ZFPM1: variants seen among roughly 807,000 people sequenced by gnomAD.
The protein encoded by ZFPM1 is zinc finger protein, FOG family member 1.
Under a neutral mutation model 46.3 loss-of-function variants are expected in ZFPM1, and 28 were observed. That is an observed-to-expected ratio of 0.60 (90% CI 0.45 to 0.83). The LOEUF (loss-of-function observed/expected upper bound fraction) is 0.83. Ranked by LOEUF, ZFPM1 falls within the 40% of genes least tolerant of loss-of-function variation. The probability of loss-of-function intolerance (pLI) is 0.00; values close to 1 mark genes in which losing one functional copy is unlikely to be tolerated. For missense variants in ZFPM1, 1,878 were observed against 1,432.4 expected (o/e 1.31, Z -5.02); for synonymous variants, 957 against 675.9 (o/e 1.42, Z -6.45).
chr16:88,483,785 G>C (rs1909071058), intron 1 of ZFPM1, among the ~76,000 whole-genome samples: 1 of 152,230 alleles, frequency 6.6e-6, no homozygotes, highest in Non-Finnish European at 1.5e-5. Context: ...TCCAGGAGCA[G>C]TTTGGTTTGA....
intron 1 of ZFPM1, among the ~76,000 whole-genome samples, chr16:88,476,604 C>T (rs909638564): frequency 1.3e-5 from 2 of 151,908 alleles, no homozygotes; most frequent in South Asian, 2.1e-4. Flanking sequence ...CCGAGATCCC[C>T]GGGGGCCCAT....
intron 1 of ZFPM1, among the ~76,000 whole-genome samples, chr16:88,482,987 C>T (rs913678322): frequency 1.3e-5 from 2 of 152,176 alleles, no homozygotes; most frequent in Non-Finnish European, 2.9e-5. Context: ...TGAGGGAGGG[C>T]ACTCGGGTTG....
chr16:88,468,852 A>G (rs1055320314), intron 1 of ZFPM1: 1 of 152,306 alleles, frequency 6.6e-6, no homozygotes, highest in Non-Finnish European at 1.5e-5. Context: ...CTGGGGGAGT[A>G]GTTCCCATCC....
chr16:88,478,514 C>T (rs543741757), intron 1 of ZFPM1, among the ~76,000 whole-genome samples: 2 of 152,394 alleles, frequency 1.3e-5, no homozygotes, highest in African/African-American at 2.4e-5. Flanking sequence ...TGTAAGGGGT[C>T]GCTGTCACGG....
chr16:88,478,894 T>TC (rs1567531723), intron 1 of ZFPM1, among the ~76,000 whole-genome samples: 1 of 152,028 alleles, frequency 6.6e-6, no homozygotes, highest in Non-Finnish European at 1.5e-5. Flanking sequence ...GGTGGAGACT[T>TC]CCCCGGGGGC....
At position 88,486,044 on chromosome 16, in the gene ZFPM1, G is replaced by T; in HGVS notation, c.145+1G>T. On this transcript the variant is annotated splice_donor_variant, in intron 2 of 9. Coordinates refer to ENST00000319555, the MANE Select transcript of ZFPM1 (RefSeq NM_153813.3). LOFTEE classifies it high-confidence loss of function. Reference sequence around the variant, plus strand: ...GAAGCCCCGAGCCCTCCCAGCGCAGGTGAGTCAGACTGAGCCCTCTCACCG... The same window carrying T: ...GAAGCCCCGAGCCCTCCCAGCGCAGTTGAGTCAGACTGAGCCCTCTCACCG... The T allele has an allele frequency of 6.2e-7, 1 of 1,610,944 alleles. No homozygotes were observed. The highest frequency in any genetic ancestry group is 2.2e-5 in the East Asian group (1 of 44,772).
intron 3 of ZFPM1, among the ~76,000 whole-genome samples, chr16:88,492,390 C>T (rs1043375554): frequency 2.6e-5 from 4 of 152,168 alleles, no homozygotes; most frequent in Non-Finnish European, 4.4e-5. Context: ...GTTCTTGAGG[C>T]GGCCTGGGAG....
At chr16:88,482,626 C>T (rs1567532930) in intron 1 of ZFPM1, among the ~76,000 whole-genome samples, 1 of 152,166 alleles carries the variant, frequency 6.6e-6, no homozygotes, top group African/African-American at 2.4e-5. Flanking sequence ...ATGCACAGGG[C>T]TGTGTCTCCT....
At chr16:88,510,659 GC>G (rs1238492651) in intron 3 of ZFPM1, among the ~76,000 whole-genome samples, 1 of 152,096 alleles carries the variant, frequency 6.6e-6, no homozygotes, top group Non-Finnish European at 1.5e-5. Context: ...CCTAGGTCCC[GC>G]CCCCTCCTCA....
rs925435164 is a variant in ZFPM1, at chr16:88,535,151, T to A, written c.*172T>A. On this transcript the variant is annotated 3_prime_UTR_variant, in exon 10 of 10. Coordinates refer to ENST00000319555, the MANE Select transcript of ZFPM1 (RefSeq NM_153813.3). ...GGACCCTTGGCACTTAATAAAGAAG[T>A]TCAGTTTGATGAGCATGGTGGTGGG... The A allele has an allele frequency of 1.1e-5, 8 of 761,414 alleles. No individual in the cohort carries two copies. The African/African-American group carries it at 1.5e-4, about 14-fold the overall frequency. 47.2% of individuals were successfully genotyped at this position (761,414 alleles called of 1,614,324 possible). A position where few individuals can be genotyped will look rare whatever the true frequency, so the allele number is the denominator to read the frequency against.
intron 3 of ZFPM1, among the ~76,000 whole-genome samples, chr16:88,495,977 C>T (rs1909909452): frequency 6.6e-6 from 1 of 152,196 alleles, no homozygotes; most frequent in African/African-American, 2.4e-5. Flanking sequence ...TGCCCACAGG[C>T]TCCGGGGCAG....
At chr16:88,483,410 C>T (rs1175515414) in intron 1 of ZFPM1, among the ~76,000 whole-genome samples, 1 of 152,182 alleles carries the variant, frequency 6.6e-6, no homozygotes, top group Admixed American at 6.5e-5. Context: ...CCCTGGCCCC[C>T]GACCTCCCCT....
At chr16:88,502,862 T>C (rs1910443916) in intron 3 of ZFPM1, among the ~76,000 whole-genome samples, 1 of 151,540 alleles carries the variant, frequency 6.6e-6, no homozygotes, top group Non-Finnish European at 1.5e-5. Context: ...AGAGGCCACG[T>C]GGATGCCCGT....
chr16:88,459,006 G>A (rs912114778), intron 1 of ZFPM1, among the ~76,000 whole-genome samples: 33 of 152,228 alleles, frequency 2.2e-4, no homozygotes, highest in African/African-American at 8.0e-4. Context: ...GGCAGCGCAT[G>A]TGGCCTTATG....
intron 4 of ZFPM1, among the ~76,000 whole-genome samples, chr16:88,514,960 C>G (rs1399514637): frequency 6.6e-6 from 1 of 152,156 alleles, no homozygotes; most frequent in Non-Finnish European, 1.5e-5. Flanking sequence ...CCCATGGTCT[C>G]CATGGCCTCG....
chr16:88,458,980 C>A (rs929500654), intron 1 of ZFPM1, among the ~76,000 whole-genome samples: 1 of 152,220 alleles, frequency 6.6e-6, no homozygotes, highest in Admixed American at 6.5e-5. Flanking sequence ...GAGGGATCAG[C>A]CACCTGCAAG....
chr16:88,527,157 C>T (rs113492811), intron 5 of ZFPM1, among the ~76,000 whole-genome samples: 23 of 151,936 alleles, frequency 1.5e-4, no homozygotes, highest in African/African-American at 5.1e-4. Flanking sequence ...GTGTCCGTGG[C>T]GGGGGGGTGG....
chr16:88,469,991 T>C lies in ZFPM1; in HGVS notation c.41-15948T>C, dbSNP rs1908339894. On this transcript the variant is annotated intron_variant, in intron 1 of 9. Coordinates refer to ENST00000319555, the MANE Select transcript of ZFPM1 (RefSeq NM_153813.3). This position sits in a 1 kb window ranked among gnomAD's most constrained non-coding sequence, Gnocchi z 4.3. Reference sequence around the variant, plus strand: ...CAGCTCTGTCCTCTCCCAGGACAGCTTGGGGCATACAGTAGGTGCTCCATA... The same window carrying C: ...CAGCTCTGTCCTCTCCCAGGACAGCCTGGGGCATACAGTAGGTGCTCCATA... Among the ~76,000 whole-genome samples, 1 of 152,100 alleles carries C rather than the reference T, an allele frequency of 6.6e-6. No homozygotes were observed. The highest frequency in any genetic ancestry group is 2.4e-5 in the African/African-American group (1 of 41,422).
At chr16:88,493,437 GTACGGAGAGCTGTCCCGGGC>G (rs1909731012) in intron 3 of ZFPM1, among the ~76,000 whole-genome samples, 5 of 141,210 alleles carry the variant, frequency 3.5e-5, no homozygotes, top group African/African-American at 8.0e-5. Context: ...CTGTCCCGGG[GTACGGAGAGCTGTCCCGGGC>G]TGCGGGGAGC....
Sources: allele counts gnomAD v4.1 joint callset (sites outside exome capture counted in the v4.1 genomes callset), GRCh38; gene constraint gnomAD v4.1.1; non-coding constraint Gnocchi (gnomAD v3.1); transcripts MANE v1.5; gene names NCBI Gene and HGNC (gene_info 2026-07-23, HGNC 2026-07-21).